CUX1: variants seen among roughly 807,000 people sequenced by gnomAD.
CUX1 encodes the protein cut like homeobox 1.
A neutral mutation model predicts 158.8 loss-of-function variants in CUX1; 31 were observed. The ratio of observed to expected loss-of-function variants is 0.20; its 90% CI spans 0.15 to 0.26. CUX1 has a LOEUF of 0.26. Among genes scored for constraint, CUX1 ranks in the 10% least tolerant of loss-of-function variants. CUX1 has a pLI of 1.00. For missense variants in CUX1, 1,589 were observed against 2,014.6 expected (o/e 0.79, Z 4.04); for synonymous variants, 879 against 862.1 (o/e 1.02, Z -0.34).
chr7:102,256,043 G>A lies in CUX1; in HGVS notation c.*7001G>A, dbSNP rs935245112. On this transcript the variant is annotated 3_prime_UTR_variant, in exon 24 of 24. Transcript: ENST00000292535. Reference sequence around the variant, plus strand: ...AGTTCCGTTTGTTCATGAACCGAAGGGAAAACAGGCCTCCCCGACTCCCTC... The same window carrying A: ...AGTTCCGTTTGTTCATGAACCGAAGAGAAAACAGGCCTCCCCGACTCCCTC... 1 of 985,462 alleles carries A rather than the reference G, an allele frequency of 1.0e-6. No individual in the cohort carries two copies. 61.0% of individuals were successfully genotyped at this position (985,462 alleles called of 1,614,324 possible). A position where few individuals can be genotyped will look rare whatever the true frequency, so the allele number is the denominator to read the frequency against.
intron 11 of CUX1, among the ~76,000 whole-genome samples, chr7:102,178,929 A>G (rs1191441744): frequency 6.6e-6 from 1 of 152,166 alleles, no homozygotes; most frequent in African/African-American, 2.4e-5. Flanking sequence ...CGGTGGTGCA[A>G]TCTCGGCTCA....
At chr7:102,068,056 C>T (rs1825741281) in intron 3 of CUX1, among the ~76,000 whole-genome samples, 1 of 151,654 alleles carries the variant, frequency 6.6e-6, no homozygotes, top group South Asian at 2.1e-4. Flanking sequence ...TGAGATTCTA[C>T]TCAACACCAA....
At position 102,257,387 on chromosome 7, in the gene CUX1, G is replaced by A. The variant is rs1429317513; in HGVS notation, c.*8345G>A. ...CTTCTGCCTCTTCCCTTGAGAAAACGGGCATCTCACGTACCCCCATCTGAG... is the reference window on the plus strand; with the variant it reads ...CTTCTGCCTCTTCCCTTGAGAAAACAGGCATCTCACGTACCCCCATCTGAG... On this transcript the variant is annotated 3_prime_UTR_variant, in exon 24 of 24. Coordinates refer to ENST00000292535, the MANE Select transcript of CUX1 (RefSeq NM_181552.4). The A allele has an allele frequency of 9.1e-6, 9 of 983,732 alleles. No homozygotes were observed. In the Middle Eastern group the frequency reaches 1.5e-3, roughly 169 times the overall value. 60.9% of individuals were successfully genotyped at this position (983,732 alleles called of 1,614,324 possible). A position where few individuals can be genotyped will look rare whatever the true frequency, so the allele number is the denominator to read the frequency against.
intron 17 of CUX1, 82 bp downstream of exon 17, chr7:102,200,254 C>A: frequency 8.9e-7 from 1 of 1,128,396 alleles, no homozygotes; most frequent in Non-Finnish European, 1.2e-6. Context: ...CAGTAATTAA[C>A]TATTTTTTTT....
chr7:101,833,930 G>A (rs1356921145), intron 1 of CUX1, among the ~76,000 whole-genome samples: 1 of 152,132 alleles, frequency 6.6e-6, no homozygotes, highest in Admixed American at 6.5e-5. Context: ...CCTAGAATGG[G>A]ACGCACAGTG....
At chr7:102,133,916 C>A (rs1833615875) in intron 8 of CUX1, among the ~76,000 whole-genome samples, 1 of 152,208 alleles carries the variant, frequency 6.6e-6, no homozygotes, top group Non-Finnish European at 1.5e-5. Context: ...ACATCTCATT[C>A]CCGTTGTTAC....
At chr7:102,230,279 C>T (rs1798821527) in intron 21 of CUX1, among the ~76,000 whole-genome samples, 1 of 151,702 alleles carries the variant, frequency 6.6e-6, no homozygotes, top group Admixed American at 6.6e-5. Flanking sequence ...AGTTCGAGAC[C>T]AGCCTGGGCA....
chr7:102,268,402 C>T (rs1048748522), intron 14 of CUX1, among the ~76,000 whole-genome samples: 1 of 152,140 alleles, frequency 6.6e-6, no homozygotes, highest in Non-Finnish European at 1.5e-5. Context: ...ACCCCCTGAC[C>T]CTCCATATTC....
chr7:101,993,324 C>T (rs1010796111), intron 2 of CUX1, among the ~76,000 whole-genome samples: 3 of 146,752 alleles, frequency 2.0e-5, no homozygotes, highest in African/African-American at 7.7e-5. Context: ...AGTGTGACTC[C>T]GTCTCAAAAA....
chr7:101,855,337 G>C (rs1224366900), intron 1 of CUX1, among the ~76,000 whole-genome samples: 1 of 152,198 alleles, frequency 6.6e-6, no homozygotes, highest in African/African-American at 2.4e-5. Flanking sequence ...TTGCCTGCCA[G>C]GGGGACCATG....
chr7:101,934,743 G>A (rs988429454), intron 2 of CUX1, among the ~76,000 whole-genome samples: 1 of 152,104 alleles, frequency 6.6e-6, no homozygotes, highest in Admixed American at 6.6e-5. Context: ...CGCTTCCCCC[G>A]GGGACAGTGC....
At chr7:101,862,971 T>A (rs1797613689) in intron 1 of CUX1, among the ~76,000 whole-genome samples, 1 of 152,178 alleles carries the variant, frequency 6.6e-6, no homozygotes, top group Non-Finnish European at 1.5e-5. Flanking sequence ...AATGCTTTTG[T>A]GTCCATGACT....
upstream of CUX1, chr7:101,817,328 G>A: frequency 2.0e-6 from 2 of 984,646 alleles, no homozygotes; most frequent in Non-Finnish European, 2.4e-6. This position sits in a 1 kb window ranked among gnomAD's most constrained non-coding sequence, Gnocchi z 4.1. Flanking sequence ...TGCCCTCTCT[G>A]CAGGGCCCGC....
chr7:102,118,655 G>A (rs1305466107), intron 8 of CUX1, among the ~76,000 whole-genome samples: 6 of 152,336 alleles, frequency 3.9e-5, no homozygotes, highest in East Asian at 1.9e-4. Context: ...AGCTCTCTGC[G>A]TGACCCTGAA....
intron 1 of CUX1, among the ~76,000 whole-genome samples, chr7:101,915,766 G>C (rs1804121186): frequency 6.6e-6 from 1 of 152,254 alleles, no homozygotes; most frequent in African/African-American, 2.4e-5. Context: ...TTGGGGAGGC[G>C]GGTGCTTTGG....
intron 4 of CUX1, among the ~76,000 whole-genome samples, chr7:102,094,296 G>C (rs1828958019): frequency 6.6e-6 from 1 of 152,210 alleles, no homozygotes; most frequent in South Asian, 2.1e-4. Flanking sequence ...TTAATGCACA[G>C]AGATGTTTGA....
intron 2 of CUX1, among the ~76,000 whole-genome samples, chr7:101,955,800 T>C (rs1809693672): frequency 6.6e-6 from 1 of 152,112 alleles, no homozygotes; most frequent in South Asian, 2.1e-4. Flanking sequence ...TAGCCACCTT[T>C]CTAAGGGAGA....
At chr7:102,169,184 C>A (rs1791443455) in intron 9 of CUX1, among the ~76,000 whole-genome samples, 1 of 152,056 alleles carries the variant, frequency 6.6e-6, no homozygotes, top group South Asian at 2.1e-4. Flanking sequence ...CTGCCCACTT[C>A]AGTCTCCCAA....
chr7:101,905,622 C>T (rs962556328), intron 1 of CUX1, among the ~76,000 whole-genome samples: 1 of 152,220 alleles, frequency 6.6e-6, no homozygotes, highest in Non-Finnish European at 1.5e-5. Flanking sequence ...GATCCACCCT[C>T]GTGGTGAGAA....
Sources: allele counts gnomAD v4.1 joint callset (sites outside exome capture counted in the v4.1 genomes callset), GRCh38; gene constraint gnomAD v4.1.1; non-coding constraint Gnocchi (gnomAD v3.1); transcripts MANE v1.5; gene names NCBI Gene and HGNC (gene_info 2026-07-23, HGNC 2026-07-21).